The following CHRNA10 variants were observed in gnomAD, a reference collection of about 807,000 sequenced individuals.
CHRNA10 encodes neuronal acetylcholine receptor subunit alpha-10.
CHRNA10 carries 31 observed loss-of-function variants against 36.0 expected under a neutral mutation model. The observed-to-expected ratio is 0.86, with a 90% CI of 0.65 to 1.16. The LOEUF (loss-of-function observed/expected upper bound fraction) is 1.16, where lower values mean the gene tolerates loss of function less well. Ranked by LOEUF, CHRNA10 falls within the 50% of genes most tolerant of loss-of-function variation. CHRNA10 has a pLI of 0.00. For synonymous variants in CHRNA10, 302 were observed against 287.0 expected (o/e 1.05, Z -0.53); for missense variants, 648 against 640.9 (o/e 1.01, Z -0.12).
At chr11:3,669,593 G>A (rs914318781) in intron 2 of CHRNA10, 7 of 781,076 alleles carry the variant, frequency 9.0e-6, no homozygotes, top group Non-Finnish European at 1.5e-5. Context: ...GTAAGTTCAG[G>A]TGAACAAAAT....
chr11:3,671,282 C>A lies in CHRNA10; in HGVS notation c.31G>T (p.Gly11Cys), dbSNP rs1589932964. 1 of 1,614,104 alleles carries A rather than the reference C, an allele frequency of 6.2e-7. No individual in the cohort carries two copies. The stretch of plus-strand genomic sequence containing the variant: ...GGGAGTAGAAACAGAAGCAGAAGGC[C>A]CAGGCTGAGGTGGTGGCTCCGGAGC... Reference protein sequence around the residue: MGLRSHHLSLGLLLLFLLPAE... With the variant: MGLRSHHLSLCLLLLFLLPAE... Residue 11 changes from glycine to cysteine, a missense_variant, in exon 1 of 5, where the codon GGC (glycine) becomes TGC (cysteine). Gly to Cys is a radical substitution (Grantham distance 159). Coordinates refer to ENST00000250699, the MANE Select transcript of CHRNA10 (RefSeq NM_020402.4).
chr11:3,666,045 G>T lies in CHRNA10; in HGVS notation c.*62C>A. 1 of 1,426,674 alleles carries T rather than the reference G, an allele frequency of 7.0e-7. No homozygotes were observed. The highest frequency in any genetic ancestry group is 2.4e-5 in the East Asian group (1 of 40,996). The allele number at this position is 1,426,674 out of a possible 1,614,324, so 88.4% of individuals were successfully genotyped here. On this transcript the variant is annotated 3_prime_UTR_variant, in exon 5 of 5. Transcript: ENST00000250699. The stretch of plus-strand genomic sequence containing the variant: ...CCCAAAGACCAGCAACCACTTGGCC[G>T]TGGCTGTCCCTTTCTGGAGGAGCTG...
intron 3 of CHRNA10, chr11:3,668,953 A>T (rs2741868): frequency 0.65 from 283,448 of 433,702 alleles, 94,570 homozygotes; most frequent in Admixed American, 0.78. Flanking sequence ...GATTCAGACA[A>T]CTGCCCTGGA....
intron 2 of CHRNA10, 78 bp from the exon 3 acceptor site, chr11:3,669,428 G>C: frequency 6.5e-7 from 1 of 1,544,114 alleles, no homozygotes; most frequent in Middle Eastern, 2.1e-4. Context: ...TCCCCTGCAG[G>C]GCTCTGGTCA....
At chr11:3,668,968 ACAGTAGGTTCCGAGGAGACGTTCAG>A in intron 3 of CHRNA10, 1 of 517,608 alleles carries the variant, frequency 1.9e-6, no homozygotes. Context: ...CCTGGACCAC[ACAGTAGGTTCCGAGGAGACGTTCAG>A]CCTGGGCTGG....
rs369074831 is a variant in CHRNA10, at chr11:3,667,441, G to A, written c.686C>T (p.Thr229Met). Reference sequence around the variant, plus strand: ...GGCGGCGCGGCGGCGCAGCAGCAGCGTGAAGGTGACGTCGGGGTAGGGCTC... The same window carrying A: ...GGCGGCGCGGCGGCGCAGCAGCAGCATGAAGGTGACGTCGGGGTAGGGCTC... ...CSEPYPDVTFTLLLRRRAAAY... is the reference protein window; with the variant it reads ...CSEPYPDVTFMLLLRRRAAAY... The change falls in exon 4 of 5, where the codon ACG becomes ATG. Residue 229 changes from threonine to methionine, a missense_variant. Thr to Met is a moderately conservative substitution (Grantham distance 81, BLOSUM62 -1). Transcript: ENST00000250699. 11 of 1,596,208 alleles carry A rather than the reference G, an allele frequency of 6.9e-6. No individual in the cohort carries two copies. The highest frequency in any genetic ancestry group is 4.0e-5 in the African/African-American group (3 of 74,636).
chr11:3,670,388 AAAAC>A (rs2077705027), intron 1 of CHRNA10, among the ~76,000 whole-genome samples: 2 of 152,294 alleles, frequency 1.3e-5, no homozygotes, highest in Admixed American at 1.3e-4. Context: ...CCTCACTCTG[AAAAC>A]ACACTTCCCC....
chr11:3,669,373 G>C (rs771607483), intron 2 of CHRNA10, 23 bp from the exon 3 acceptor site: 2 of 1,609,832 alleles, frequency 1.2e-6, no homozygotes, highest in South Asian at 1.1e-5. Context: ...GGGAATGGCA[G>C]AGATGTGGAC....
Position 3,669,853 on chromosome 11 carries a change from G to C in CHRNA10, c.150C>G (p.Asp50Glu). Residue 50 changes from aspartate (D) to glutamate (E), a missense_variant, in exon 2 of 5, where the codon GAC becomes GAG. By Grantham distance (45) the Asp-to-Glu change is conservative. Coordinates refer to ENST00000250699, the MANE Select transcript of CHRNA10 (RefSeq NM_020402.4). ...GGGTCACATTCAGAGTCTGGTCTGT[G>C]TCTGCCACAGGTCTCAGGGCACTTG... ...NYTSALRPVA[D>E]TDQTLNVTLE... 6.2e-7 allele frequency: 1 copy of C among 1,614,144 alleles called. No homozygotes were observed. The highest frequency in any genetic ancestry group is 8.5e-7 in the Non-Finnish European group (1 of 1,180,002).
In CHRNA10 at chr11:3,669,206, G is replaced by A. The variant is rs773901070; in HGVS notation, c.352C>T (p.Leu118Phe). ...CCAGATAGGCAGTACTTGTTATAGAGTACGATGTCTGGCCGCCACACAAGA... is the reference window on the plus strand; with the variant it reads ...CCAGATAGGCAGTACTTGTTATAGAATACGATGTCTGGCCGCCACACAAGA... ...SSLVWRPDIV[L>F]YNKADAQPPG... The change falls in exon 3 of 5, where the codon CTC (leucine) becomes TTC (phenylalanine). Residue 118 changes from leucine (L) to phenylalanine (F), a missense_variant. Transcript: ENST00000250699. 1 of 1,613,318 alleles carries A rather than the reference G, an allele frequency of 6.2e-7. No homozygotes were observed. Among genetic ancestry groups the A allele is most frequent in the Admixed American group, 1.7e-5 (1 of 59,954 alleles).
At chr11:3,670,977 C>G (rs1014696052) in intron 1 of CHRNA10, 5 of 520,910 alleles carry the variant, frequency 9.6e-6, no homozygotes, top group Admixed American at 3.2e-5. Context: ...AGGAGAAAGA[C>G]CTGGCCTGGC....
At chr11:3,671,072 G>A (rs1269028813) in intron 1 of CHRNA10, 180 bp downstream of exon 1, 8 of 638,642 alleles carry the variant, frequency 1.3e-5, no homozygotes, top group Non-Finnish European at 1.9e-5. Flanking sequence ...ACCCTAGCCA[G>A]GCAAGTCTCC....
In CHRNA10 at chr11:3,669,151, G is replaced by A. The variant is rs758459701; in HGVS notation, c.362+45C>T. On this transcript the variant is annotated intron_variant, in intron 3 of 4. Coordinates refer to ENST00000250699, the MANE Select transcript of CHRNA10 (RefSeq NM_020402.4). ...ACTACACCCCCACAGCTAAGGGCAA[G>A]TCTAGAGAGGGGTAAGAGAGAGGAG... is the stretch of plus-strand genomic sequence containing the variant. 25 of 1,583,836 alleles carry A rather than the reference G, an allele frequency of 1.6e-5. No individual in the cohort carries two copies. The South Asian group carries it at 2.7e-4, about 17-fold the overall frequency.
chr11:3,670,168 A>G (rs2077703668), intron 1 of CHRNA10, among the ~76,000 whole-genome samples: 1 of 151,772 alleles, frequency 6.6e-6, no homozygotes, highest in South Asian at 2.1e-4. Flanking sequence ...AGGCTGACAA[A>G]TTTCTCCTCC....
At chr11:3,669,143 A>G in intron 3 of CHRNA10, 53 bp downstream of exon 3, 1 of 1,567,182 alleles carries the variant, frequency 6.4e-7, no homozygotes, top group Non-Finnish European at 8.7e-7. Flanking sequence ...CCCCACAGCT[A>G]AGGGCAAGTC....
In CHRNA10 at chr11:3,669,889, A is replaced by G. The variant is rs1285803333; in HGVS notation, c.114T>C (p.Phe38=). 1.9e-6 allele frequency: 3 copies of G among 1,614,120 alleles called. No homozygotes were observed. Among genetic ancestry groups the G allele is most frequent in the South Asian group, 1.1e-5 (1 of 91,084 alleles). The change falls in exon 2 of 5, where the codon TTT becomes TTC. Residue 38 remains phenylalanine, a synonymous_variant. Coordinates refer to ENST00000250699, the MANE Select transcript of CHRNA10 (RefSeq NM_020402.4). Reference sequence around the variant, plus strand: ...GTCTCAGGGCACTTGTGTAGTTGGCAAAGAGGTCACGGAACAGCTTGAGAG... The same window carrying G: ...GTCTCAGGGCACTTGTGTAGTTGGCGAAGAGGTCACGGAACAGCTTGAGAG... The part of the protein sequence containing the change: ...RLALKLFRDL[F]ANYTSALRPV...
At chr11:3,670,991 C>T in intron 1 of CHRNA10, 2 of 545,384 alleles carry the variant, frequency 3.7e-6, no homozygotes, top group Non-Finnish European at 6.6e-6. Context: ...GCCTGGCCGG[C>T]AGGCCCTTCA....
In CHRNA10 at chr11:3,669,064, G is replaced by A. The variant is rs568886015; in HGVS notation, c.362+132C>T. On this transcript the variant is annotated intron_variant, in intron 3 of 4. Coordinates refer to ENST00000250699, the MANE Select transcript of CHRNA10 (RefSeq NM_020402.4). ...GCTGAGTGCCTGGCAGCTTAGAAGG[G>A]TCCTGGGGAAAAGCTTCCAGGGCAG... 3.2e-5 allele frequency: 33 copies of A among 1,023,240 alleles called. No homozygotes were observed. The South Asian group carries it at 4.6e-4, about 14-fold the overall frequency. 63.4% of individuals were successfully genotyped at this position (1,023,240 alleles called of 1,614,324 possible).
intron 4 of CHRNA10, 22 bp from the exon 5 acceptor site, chr11:3,666,586 A>T: frequency 6.6e-7 from 1 of 1,504,494 alleles, no homozygotes; most frequent in Non-Finnish European, 8.9e-7. Flanking sequence ...AGAGAAAGCC[A>T]ATTGACTCAA....
Sources: gnomAD v4.1 joint callset for allele counts (sites outside exome capture counted in the v4.1 genomes callset) on GRCh38, gnomAD v4.1.1 for gene constraint, MANE v1.5 for transcripts, NCBI Gene and HGNC (gene_info 2026-07-23, HGNC 2026-07-21) for gene names.